LINGO2: variants seen among roughly 807,000 people sequenced by gnomAD.
The protein encoded by LINGO2 is leucine-rich repeat and immunoglobulin-like domain-containing nogo receptor-interacting protein 2.
A neutral mutation model predicts 30.6 loss-of-function variants in LINGO2; 14 were observed. The observed-to-expected ratio is 0.46, with a 90% CI of 0.30 to 0.72. The LOEUF (loss-of-function observed/expected upper bound fraction) is 0.72. LINGO2 is among the 30% of genes least tolerant of loss of function. The pLI, the probability that LINGO2 is intolerant of heterozygous loss-of-function variation, is 0.07. For synonymous variants in LINGO2, 317 were observed against 288.5 expected (o/e 1.10, Z -1.00); for missense variants, 729 against 751.7 (o/e 0.97, Z 0.35).
intron 1 of LINGO2, among the ~76,000 whole-genome samples, chr9:28,617,031 GTATT>G (rs1563866903): frequency 6.6e-6 from 1 of 152,016 alleles, no homozygotes; most frequent in Non-Finnish European, 1.5e-5. Flanking sequence ...TGGCAACAAA[GTATT>G]TATAAACCTC....
chr9:28,885,866 T>C, the LINGO2 span, among the ~76,000 whole-genome samples: 1 of 152,134 alleles, frequency 6.6e-6, no homozygotes, highest in Admixed American at 6.6e-5. Flanking sequence ...AACAGCTGAA[T>C]TCTCCAGAGA....
the LINGO2 span, among the ~76,000 whole-genome samples, chr9:29,170,251 T>C: frequency 2.6e-5 from 4 of 152,182 alleles, no homozygotes; most frequent in African/African-American, 9.7e-5. Flanking sequence ...ATACATACCA[T>C]GGAATACTAC....
the LINGO2 span, among the ~76,000 whole-genome samples, chr9:29,052,937 C>T: frequency 6.6e-6 from 1 of 151,946 alleles, no homozygotes; most frequent in African/African-American, 2.4e-5. Context: ...AAATTCAAAC[C>T]AAAACTGAAG....
chr9:28,890,987 C>T, the LINGO2 span, among the ~76,000 whole-genome samples: 6,236 of 151,982 alleles, frequency 0.041, 192 homozygotes, highest in Admixed American at 0.082. Context: ...GAGTAGGTGG[C>T]TAAATAAATG....
At chr9:28,036,091 A>C (rs1823921275) in intron 4 of LINGO2, among the ~76,000 whole-genome samples, 1 of 152,258 alleles carries the variant, frequency 6.6e-6, no homozygotes, top group South Asian at 2.1e-4. Context: ...TAAAGAATTT[A>C]AATGAGACCT....
intron 4 of LINGO2, among the ~76,000 whole-genome samples, chr9:28,244,388 C>T (rs138657289): frequency 2.5e-4 from 38 of 150,146 alleles, no homozygotes; most frequent in Non-Finnish European, 5.1e-4. Flanking sequence ...GATCTCAAAT[C>T]GACAGAACTA....
the LINGO2 span, among the ~76,000 whole-genome samples, chr9:29,025,209 T>C: frequency 6.6e-6 from 1 of 151,580 alleles, no homozygotes; most frequent in South Asian, 2.1e-4. Context: ...TTACTGAGAA[T>C]AGAAGCAAAA....
chr9:29,098,486 CAT>C, the LINGO2 span, among the ~76,000 whole-genome samples: 21 of 151,976 alleles, frequency 1.4e-4, no homozygotes, highest in African/African-American at 5.1e-4. Flanking sequence ...CACACACACA[CAT>C]ACACACACAT....
chr9:28,044,317 C>T (rs190388860), intron 4 of LINGO2, among the ~76,000 whole-genome samples: 1 of 152,238 alleles, frequency 6.6e-6, no homozygotes, highest in East Asian at 1.9e-4. Context: ...AAATGGTATA[C>T]ATGTTAAAAT....
At chr9:28,348,210 T>G (rs1587509780) in intron 3 of LINGO2, among the ~76,000 whole-genome samples, 1 of 151,940 alleles carries the variant, frequency 6.6e-6, no homozygotes, top group Non-Finnish European at 1.5e-5. Flanking sequence ...AGAAGACGGG[T>G]GATTTCTGCA....
intron 5 of LINGO2, among the ~76,000 whole-genome samples, chr9:27,962,685 C>A (rs987170298): frequency 7.9e-5 from 12 of 152,100 alleles, no homozygotes; most frequent in Non-Finnish European, 1.3e-4. Context: ...TCAGTTTTAG[C>A]CCAGAAGGCA....
chr9:29,015,923 C>G, the LINGO2 span, among the ~76,000 whole-genome samples: 1 of 152,128 alleles, frequency 6.6e-6, no homozygotes, highest in Non-Finnish European at 1.5e-5. Context: ...CCCTTCATCA[C>G]GTTCTCAAGC....
At chr9:28,269,033 A>G (rs377332355) in intron 4 of LINGO2, among the ~76,000 whole-genome samples, 11 of 152,188 alleles carry the variant, frequency 7.2e-5, no homozygotes, top group African/African-American at 2.6e-4. Context: ...CTGCACATGC[A>G]TAACCTCTTT....
At chr9:29,163,544 T>C in the LINGO2 span, among the ~76,000 whole-genome samples, 1 of 152,292 alleles carries the variant, frequency 6.6e-6, no homozygotes, top group African/African-American at 2.4e-5. Flanking sequence ...AGGTCCTTTC[T>C]AGGTATAAGG....
intron 2 of LINGO2, among the ~76,000 whole-genome samples, chr9:28,375,569 C>T (rs34864262): frequency 0.39 from 59,543 of 152,072 alleles, 12,903 homozygotes; most frequent in Non-Finnish European, 0.47. Flanking sequence ...TGTCCTGGTA[C>T]GCACTGCATG....
At chr9:28,785,664 C>T in the LINGO2 span, among the ~76,000 whole-genome samples, 2 of 106,240 alleles carry the variant, frequency 1.9e-5, no homozygotes, top group Non-Finnish European at 4.0e-5. Context: ...CCTTCTCTCT[C>T]TCTCCACAAA....
chr9:28,257,940 A>G (rs1397868157), intron 4 of LINGO2, among the ~76,000 whole-genome samples: 1 of 151,914 alleles, frequency 6.6e-6, no homozygotes, highest in Non-Finnish European at 1.5e-5. Flanking sequence ...GTCATTCCTA[A>G]TAATTGTGGT....
chr9:28,868,878 C>T, the LINGO2 span, among the ~76,000 whole-genome samples: 2 of 151,964 alleles, frequency 1.3e-5, no homozygotes, highest in Non-Finnish European at 2.9e-5. Flanking sequence ...ATTATTTAAG[C>T]CCCCAACTCA....
At chr9:28,456,734 C>G (rs563485560) in intron 2 of LINGO2, among the ~76,000 whole-genome samples, 62 of 152,132 alleles carry the variant, frequency 4.1e-4, no homozygotes, top group African/African-American at 1.5e-3. Flanking sequence ...AAGATATTTG[C>G]TAATTTGAAG....
Sources: gnomAD v4.1 joint callset for allele counts (sites outside exome capture counted in the v4.1 genomes callset) on GRCh38, gnomAD v4.1.1 for gene constraint, MANE v1.5 for transcripts, NCBI Gene and HGNC (gene_info 2026-07-23, HGNC 2026-07-21) for gene names.